Variants in PNCK observed in about 807,000 individuals in gnomAD.
PNCK encodes the protein pregnancy up-regulated nonubiquitous CaM kinase, also known as calcium/calmodulin-dependent protein kinase type 1B.
A neutral mutation model predicts 28.3 loss-of-function variants in PNCK; 21 were observed. The observed-to-expected ratio is 0.74, with a 90% CI of 0.53 to 1.07. PNCK has a LOEUF of 1.07. PNCK is among the 50% of genes least tolerant of loss of function. PNCK has a pLI of 0.00. For synonymous variants in PNCK, 136 were observed against 125.2 expected (o/e 1.09, Z -0.58); for missense variants, 250 against 298.3 (o/e 0.84, Z 1.19).
At chrX:153,673,744 C>T in intron 1 of PNCK, 36 bp downstream of exon 1, 4 of 727,781 alleles carry the variant, frequency 5.5e-6, no homozygotes, top group Non-Finnish European at 6.5e-6. Context: ...TGCGCCCCCG[C>T]CCCGCGCGTC....
rs782709316 is a variant in PNCK, at chrX:153,684,006, T to A, written c.-3+3425A>T. On this transcript the variant is annotated intron_variant, in intron 1 of 3. Transcript: ENST00000419804. ...TGGCTGGTCATCATGAATGCTTCCA[T>A]GTTAGCAGAATTCAGGCCCCTCTCA... is the stretch of plus-strand genomic sequence containing the variant. Among the ~76,000 whole-genome samples the A allele has an allele frequency of 5.3e-5, 6 of 112,718 alleles. No homozygotes were observed. The South Asian group carries it at 2.2e-3, about 41-fold the overall frequency.
intron 1 of PNCK, 34 bp from the exon 2 acceptor site, chrX:153,673,112 TCCCCG>T: frequency 8.7e-7 from 1 of 1,145,151 alleles, no homozygotes; most frequent in Non-Finnish European, 1.2e-6. Context: ...TGGGGGTCTC[TCCCCG>T]CCCCGCCGGG....
At chrX:153,677,510 G>A (rs1238886345), upstream of PNCK, among the ~76,000 whole-genome samples, 1 of 106,961 alleles carries the variant, frequency 9.3e-6, no homozygotes, top group Non-Finnish European at 1.9e-5. Context: ...AGAACTTATA[G>A]TGTGTGTGTG....
upstream of PNCK, among the ~76,000 whole-genome samples, chrX:153,677,450 C>G (rs1557041735): frequency 9.1e-6 from 1 of 109,344 alleles, no homozygotes; most frequent in African/African-American, 3.3e-5. Flanking sequence ...GCTAGGTGTG[C>G]CCATTGTTCC....
chrX:153,674,072 C>T, upstream of PNCK: 1 of 1,209,110 alleles, frequency 8.3e-7, no homozygotes. Flanking sequence ...TCCCGGAGAG[C>T]TCTTCGGCCA....
intron 1 of PNCK, among the ~76,000 whole-genome samples, chrX:153,680,895 G>C (rs2091392291): frequency 9.1e-6 from 1 of 109,892 alleles, no homozygotes; most frequent in Admixed American, 9.7e-5. Context: ...CGGGCGTGGT[G>C]GTGGGTGCCT....
At chrX:153,684,005 A>G (rs1557042795) in intron 1 of PNCK, among the ~76,000 whole-genome samples, 1 of 112,609 alleles carries the variant, frequency 8.9e-6, no homozygotes, top group African/African-American at 3.2e-5. Flanking sequence ...GAATGCTTCC[A>G]TGTTAGCAGA....
At chrX:153,681,099 T>C (rs975119706) in intron 1 of PNCK, among the ~76,000 whole-genome samples, 2 of 101,228 alleles carry the variant, frequency 2.0e-5, no homozygotes, top group Non-Finnish European at 4.0e-5. Flanking sequence ...TGGTCCAAGA[T>C]GGAAAATTTG....
At chrX:153,678,887 T>C (rs1368070877), upstream of PNCK, among the ~76,000 whole-genome samples, 14 of 108,758 alleles carry the variant, frequency 1.3e-4, no homozygotes, top group Admixed American at 1.1e-3. Context: ...GTCAGGTAAA[T>C]GGAGTCATAG....
intron 2 of PNCK, 46 bp from the exon 3 acceptor site, chrX:153,672,743 A>G: frequency 8.7e-7 from 1 of 1,153,891 alleles, no homozygotes; most frequent in East Asian, 3.0e-5. Flanking sequence ...GTGGGAAGAG[A>G]GGAGAGGCAG....
Position 153,671,924 on chromosome X carries a change from C to T in PNCK, c.370G>A (p.Val124Ile). The T allele has an allele frequency of 1.7e-6, 2 of 1,209,726 alleles. No individual in the cohort carries two copies. Among genetic ancestry groups the T allele is most frequent in the Non-Finnish European group, 2.2e-6 (2 of 895,136 alleles). The change falls in exon 5 of 12, where the codon GTC becomes ATC. Residue 124 changes from valine (V) to isoleucine (I), a missense_variant. Val to Ile is a conservative substitution (Grantham distance 29). Transcript: ENST00000340888. ...ATCCCCAGGCTGTGCAGGTAGGAGA[C>T]GGCGCCAAGGACCTGACCCACCAGA... Reference protein sequence around the residue: ...SHLVGQVLGAVSYLHSLGIVH... With the variant: ...SHLVGQVLGAISYLHSLGIVH...
intron 9 of PNCK, 37 bp downstream of exon 9, chrX:153,670,881 C>T (rs372132610): frequency 1.7e-6 from 2 of 1,210,295 alleles, no homozygotes; most frequent in African/African-American, 1.7e-5. Context: ...ATGCAGGCCC[C>T]CTGGCCCTGG....
intron 1 of PNCK, 94 bp downstream of exon 1, chrX:153,673,686 G>T: frequency 2.0e-6 from 1 of 495,173 alleles, no homozygotes; most frequent in Non-Finnish European, 2.5e-6. Flanking sequence ...AGGCGTGACA[G>T]GTGTGCTGCG....
At position 153,671,982 on chromosome X, in the gene PNCK, C is replaced by A; in HGVS notation, c.312G>T (p.Glu104Asp). ...CATCCTTCTCTGTGTAGGAGCCGCG[C>A]TCCATGATGCGGTCAAACAGCTCGC... ...TGGELFDRIM[E>D]RGSYTEKDAS... Residue 104 changes from glutamate to aspartate, a missense_variant, in exon 5 of 12, where the codon GAG becomes GAT. Physicochemically the swap from Glu to Asp is conservative, Grantham distance 45 (BLOSUM62 2). Coordinates refer to ENST00000340888, the MANE Select transcript of PNCK (RefSeq NM_001366977.1). 8.3e-7 allele frequency: 1 copy of A among 1,211,098 alleles called. No homozygotes were observed. The highest frequency in any genetic ancestry group is 1.7e-5 in the African/African-American group (1 of 57,812).
chrX:153,685,144 C>T (rs916963484), intron 1 of PNCK, among the ~76,000 whole-genome samples: 8 of 106,906 alleles, frequency 7.5e-5, no homozygotes, highest in African/African-American at 2.7e-4. Flanking sequence ...AAAGGGCTGG[C>T]GGGGGACAGC....
At position 153,670,657 on chromosome X, in the gene PNCK, G is replaced by A. The variant is rs2148332620; in HGVS notation, c.895-63C>T. ...CAGGCCCCAGCCCCTAGACTGTGAGGACTGCAGTGGTCACTGGGCAGCCAC... is the reference window on the plus strand; with the variant it reads ...CAGGCCCCAGCCCCTAGACTGTGAGAACTGCAGTGGTCACTGGGCAGCCAC... On this transcript the variant is annotated intron_variant, in intron 10 of 11. Coordinates refer to ENST00000340888, the MANE Select transcript of PNCK (RefSeq NM_001366977.1). 4.2e-6 allele frequency: 5 copies of A among 1,190,489 alleles called. No individual in the cohort carries two copies. In the South Asian group the frequency reaches 9.2e-5, roughly 22 times the overall value.
upstream of PNCK, among the ~76,000 whole-genome samples, chrX:153,678,882 G>A (rs993946362): frequency 4.6e-5 from 5 of 107,537 alleles, no homozygotes; most frequent in African/African-American, 1.4e-4. Context: ...GGAATGTCAG[G>A]TAAATGGAGT....
chrX:153,672,301 T>C, intron 3 of PNCK, 101 bp from the exon 4 acceptor site: 1 of 935,873 alleles, frequency 1.1e-6, no homozygotes, highest in African/African-American at 2.0e-5. Context: ...CTCCCACCTC[T>C]GCTCCCCATT....
In PNCK at chrX:153,670,075, G is replaced by A. The variant is rs1034527541; in HGVS notation, c.*63C>T. ...GGGGGAGGGGTTGGGGGAGGGGACC[G>A]AAAGCATCCAAGGGAAGGAAATCTG... On this transcript the variant is annotated 3_prime_UTR_variant, in exon 12 of 12. Transcript: ENST00000340888. 29 of 281,371 alleles carry A rather than the reference G, an allele frequency of 1.0e-4. No homozygotes were observed. Among genetic ancestry groups the A allele is most frequent in the African/African-American group, 6.9e-4 (25 of 36,159 alleles). The allele number at this position is 281,371 out of a possible 1,213,427, so 23.2% of individuals were successfully genotyped here.
Sources: allele counts gnomAD v4.1 joint callset (sites outside exome capture counted in the v4.1 genomes callset), GRCh38; gene constraint gnomAD v4.1.1; transcripts MANE v1.5; gene names NCBI Gene and HGNC (gene_info 2026-07-23, HGNC 2026-07-21).